The following METTL15 variants were observed in gnomAD, a reference collection of about 807,000 sequenced individuals.
METTL15 encodes the protein methyltransferase 15, mitochondrial 12S rRNA N4-cytidine.
A neutral mutation model predicts 38.3 loss-of-function variants in METTL15; 34 were observed. The observed-to-expected ratio is 0.89, with a 90% CI of 0.68 to 1.18. METTL15 has a LOEUF of 1.18. Among genes scored for constraint, METTL15 ranks in the 50% most tolerant of loss-of-function variants. The pLI is 0.00. For synonymous variants in METTL15, 162 were observed against 170.9 expected (o/e 0.95, Z 0.41); for missense variants, 438 against 498.4 (o/e 0.88, Z 1.15).
intron 3 of METTL15, among the ~76,000 whole-genome samples, chr11:28,349,267 G>C (rs1850021743): frequency 3.1e-4 from 1 of 3,278 alleles, no homozygotes; most frequent in Non-Finnish European, 8.0e-4. Context: ...CTCCCTGGGT[G>C]TGGCCAATCT....
chr11:28,466,055 A>G (rs530417613), intron 6 of METTL15, among the ~76,000 whole-genome samples: 1 of 152,330 alleles, frequency 6.6e-6, no homozygotes, highest in East Asian at 1.9e-4. Flanking sequence ...AGCTTGAGCT[A>G]TCTTCAATTG....
intron 4 of METTL15, among the ~76,000 whole-genome samples, chr11:28,244,609 A>G (rs890451149): frequency 1.3e-5 from 2 of 152,210 alleles, no homozygotes; most frequent in Non-Finnish European, 2.9e-5. Context: ...TTATTCTGAC[A>G]TATGTCCAGG....
intron 3 of METTL15, among the ~76,000 whole-genome samples, chr11:28,116,611 T>G (rs2133596172): frequency 6.6e-6 from 1 of 152,328 alleles, no homozygotes; most frequent in Admixed American, 6.5e-5. Context: ...TTAAGCTATA[T>G]GTATAAGGTG....
rs560069739 is a variant in METTL15 at position 28,389,438 on chromosome 11, G to A, written c.*358+27402G>A. Among the ~76,000 whole-genome samples the A allele has an allele frequency of 2.3e-5, 3 of 132,940 alleles. No homozygotes were observed. The East Asian group carries it at 6.7e-4, about 30-fold the overall frequency. 87.2% of individuals were successfully genotyped at this position (132,940 alleles called of 152,430 possible). A position where few individuals can be genotyped will look rare whatever the true frequency, so the allele number is the denominator to read the frequency against. On this transcript the variant is annotated intron_variant and NMD_transcript_variant, in intron 5 of 7. Coordinates refer to the METTL15 transcript ENST00000532947. ...GATGTTCCCCTTCCTGTGTCCATGT[G>A]TTCTCATTGTTCAATTCTCATCTAT...
At chr11:28,481,169 A>G (rs1851392036) in intron 6 of METTL15, among the ~76,000 whole-genome samples, 1 of 152,188 alleles carries the variant, frequency 6.6e-6, no homozygotes, top group Non-Finnish European at 1.5e-5. Context: ...ATGTCACTAA[A>G]GTTACCTCCC....
At chr11:28,439,968 G>A (rs566728278) in intron 6 of METTL15, among the ~76,000 whole-genome samples, 1 of 152,206 alleles carries the variant, frequency 6.6e-6, no homozygotes, top group East Asian at 1.9e-4. Flanking sequence ...GCTGCTCCTA[G>A]GGCTTTTTAT....
intron 3 of METTL15, among the ~76,000 whole-genome samples, chr11:28,120,402 G>A (rs1852176346): frequency 6.6e-6 from 1 of 151,822 alleles, no homozygotes; most frequent in South Asian, 2.1e-4. Context: ...TTTGGAGAAT[G>A]TTCTAAAAAA....
chr11:28,412,361 A>G (rs1850735368), intron 5 of METTL15, among the ~76,000 whole-genome samples: 1 of 151,856 alleles, frequency 6.6e-6, no homozygotes, highest in Non-Finnish European at 1.5e-5. Flanking sequence ...AGAGGAATGG[A>G]TAAAGAAAAT....
At chr11:28,221,917 T>A (rs1214338150) in intron 4 of METTL15, among the ~76,000 whole-genome samples, 2 of 152,126 alleles carry the variant, frequency 1.3e-5, no homozygotes, top group Admixed American at 1.3e-4. Context: ...TCTGGAAGTT[T>A]TGTCTCAGAG....
At chr11:28,288,014 TA>T (rs1565226040) in intron 4 of METTL15, among the ~76,000 whole-genome samples, 1 of 152,006 alleles carries the variant, frequency 6.6e-6, no homozygotes, top group Admixed American at 6.6e-5. Context: ...ATGTGATTAA[TA>T]AACTTTTGAC....
At chr11:28,469,347 GTTA>G (rs1851284264) in intron 6 of METTL15, among the ~76,000 whole-genome samples, 1 of 152,282 alleles carries the variant, frequency 6.6e-6, no homozygotes, top group East Asian at 1.9e-4. Context: ...GCATTGTGAA[GTTA>G]TTATCACAAT....
At chr11:28,251,840 C>T (rs972473398) in intron 4 of METTL15, among the ~76,000 whole-genome samples, 2 of 152,090 alleles carry the variant, frequency 1.3e-5, no homozygotes, top group African/African-American at 4.8e-5. Context: ...CTAGTCACTG[C>T]CCAATGACTA....
intron 4 of METTL15, among the ~76,000 whole-genome samples, chr11:28,255,543 T>C (rs932086695): frequency 6.6e-6 from 1 of 152,184 alleles, no homozygotes; most frequent in African/African-American, 2.4e-5. Flanking sequence ...GAGAAAAGGC[T>C]TTCAGTTTTT....
chr11:28,210,015 G>T (rs751612166), intron 3 of METTL15, among the ~76,000 whole-genome samples: 1 of 152,056 alleles, frequency 6.6e-6, no homozygotes, highest in African/African-American at 2.4e-5. Flanking sequence ...AACTTTGAGG[G>T]AATATGTGGA....
At chr11:28,429,341 T>C (rs1850891686) in intron 6 of METTL15, among the ~76,000 whole-genome samples, 1 of 141,908 alleles carries the variant, frequency 7.0e-6, no homozygotes, top group African/African-American at 2.7e-5. Flanking sequence ...CCTTAAAGAG[T>C]AAACAGTAGC....
chr11:28,511,607 C>T (rs1199619804), intron 6 of METTL15, among the ~76,000 whole-genome samples: 1 of 152,056 alleles, frequency 6.6e-6, no homozygotes, highest in Middle Eastern at 3.2e-3. Context: ...AAGCTGCGGA[C>T]CTTCGCGGTG....
chr11:28,202,880 A>G (rs981960081), intron 3 of METTL15, among the ~76,000 whole-genome samples: 1 of 152,144 alleles, frequency 6.6e-6, no homozygotes, highest in Non-Finnish European at 1.5e-5. Context: ...TGAAATTTTA[A>G]GATCTGCCCT....
chr11:28,174,774 C>T (rs1339553893), intron 3 of METTL15, among the ~76,000 whole-genome samples: 1 of 144,386 alleles, frequency 6.9e-6, no homozygotes, highest in Non-Finnish European at 1.5e-5. Context: ...GAGATTGCGC[C>T]ACTGCACTCC....
intron 6 of METTL15, among the ~76,000 whole-genome samples, chr11:28,310,914 CTGGTGGTGGTGG>C (rs1176508624): frequency 5.4e-5 from 6 of 110,126 alleles, no homozygotes; most frequent in Non-Finnish European, 9.4e-5. Flanking sequence ...GCTGCTGCTG[CTGGTGGTGGTGG>C]TGGTGGTGGT....
Sources: allele counts gnomAD v4.1 joint callset (sites outside exome capture counted in the v4.1 genomes callset), GRCh38; gene constraint gnomAD v4.1.1; transcripts MANE v1.5; gene names NCBI Gene and HGNC (gene_info 2026-07-23, HGNC 2026-07-21).